The following MIPOL1 variants were observed in gnomAD, a reference collection of about 807,000 sequenced individuals.
MIPOL1 encodes the protein mirror-image polydactyly gene 1 protein.
Under a neutral mutation model 60.9 loss-of-function variants are expected in MIPOL1, and 57 were observed. That is an observed-to-expected ratio of 0.94 (90% CI 0.76 to 1.17). The LOEUF (loss-of-function observed/expected upper bound fraction) is 1.17. Among genes scored for constraint, MIPOL1 ranks in the 50% most tolerant of loss-of-function variants. The pLI, the probability that MIPOL1 is intolerant of heterozygous loss-of-function variation, is 0.00. For missense variants in MIPOL1, 551 were observed against 511.6 expected (o/e 1.08, Z -0.74); for synonymous variants, 179 against 168.8 (o/e 1.06, Z -0.47).
chr14:37,533,953 A>C (rs2095493770), intron 12 of MIPOL1, among the ~76,000 whole-genome samples: 2 of 151,816 alleles, frequency 1.3e-5, no homozygotes, highest in Non-Finnish European at 2.9e-5. Flanking sequence ...GCTGGGTATG[A>C]TGGCACGTCC....
At chr14:37,408,155 A>G (rs2153536684) in intron 10 of MIPOL1, among the ~76,000 whole-genome samples, 1 of 152,174 alleles carries the variant, frequency 6.6e-6, no homozygotes, top group African/African-American at 2.4e-5. Flanking sequence ...CACTGGCGTG[A>G]GCCACCACAC....
At position 37,530,262 on chromosome 14, in the gene MIPOL1, G is replaced by A. The variant is rs527956971; in HGVS notation, c.1263-16643G>A. On this transcript the variant is annotated intron_variant, in intron 12 of 12. Transcript: ENST00000684589. ...AAAAACACAGTGCCATTAATAGAAC[G>A]TCTTTATTTCAATACTAAGAACTAA... Among the ~76,000 whole-genome samples the A allele has an allele frequency of 7.2e-5, 11 of 152,148 alleles. No individual in the cohort carries two copies. The East Asian group carries it at 1.6e-3, about 21-fold the overall frequency.
intron 11 of MIPOL1, among the ~76,000 whole-genome samples, chr14:37,456,284 A>G (rs1166897141): frequency 6.6e-6 from 1 of 152,134 alleles, no homozygotes; most frequent in East Asian, 1.9e-4. Context: ...AGTCAGATAC[A>G]TATTCCTCAA....
intron 3 of MIPOL1, among the ~76,000 whole-genome samples, chr14:37,255,346 A>G (rs1175761114): frequency 6.6e-6 from 1 of 151,790 alleles, no homozygotes; most frequent in Non-Finnish European, 1.5e-5. Flanking sequence ...GCCCTTTAGA[A>G]GGTTGGTCCA....
chr14:37,331,043 T>A (rs1276925184), intron 9 of MIPOL1, among the ~76,000 whole-genome samples: 2 of 152,124 alleles, frequency 1.3e-5, no homozygotes, highest in African/African-American at 4.8e-5. Context: ...TCCATTGGTC[T>A]ATGTGTTTGG....
intron 10 of MIPOL1, among the ~76,000 whole-genome samples, chr14:37,377,177 A>G (rs1016933424): frequency 2.0e-5 from 3 of 152,126 alleles, no homozygotes; most frequent in Non-Finnish European, 4.4e-5. Flanking sequence ...ATTTCCAGTC[A>G]TACTCTCCTT....
intron 11 of MIPOL1, among the ~76,000 whole-genome samples, chr14:37,479,994 T>C (rs910631921): frequency 5.3e-5 from 8 of 152,070 alleles, no homozygotes; most frequent in East Asian, 1.9e-4. Flanking sequence ...CATGAAAAAG[T>C]AGAAAATCTA....
chr14:37,298,348 C>A (rs1250738651), intron 7 of MIPOL1, among the ~76,000 whole-genome samples: 3 of 152,148 alleles, frequency 2.0e-5, no homozygotes, highest in African/African-American at 7.2e-5. Context: ...CATAAAAACC[C>A]TACAAGAAAA....
intron 11 of MIPOL1, among the ~76,000 whole-genome samples, chr14:37,472,309 G>A (rs2094699816): frequency 6.6e-6 from 1 of 152,108 alleles, no homozygotes; most frequent in African/African-American, 2.4e-5. Flanking sequence ...TTGATTATTT[G>A]CTATTATTAG....
chr14:37,485,823 C>G (rs1470977947), intron 11 of MIPOL1, among the ~76,000 whole-genome samples: 9 of 152,150 alleles, frequency 5.9e-5, no homozygotes, highest in Admixed American at 5.9e-4. Flanking sequence ...TGTACAGAAG[C>G]TCTTTAGTTC....
chr14:37,493,530 C>T (rs528143811), intron 11 of MIPOL1, among the ~76,000 whole-genome samples: 1 of 152,204 alleles, frequency 6.6e-6, no homozygotes, highest in Admixed American at 6.6e-5. Context: ...TCTACCTTGG[C>T]CTGCCATTGG....
chr14:37,477,673 G>T (rs2094798204), intron 11 of MIPOL1, among the ~76,000 whole-genome samples: 1 of 152,156 alleles, frequency 6.6e-6, no homozygotes, highest in South Asian at 2.1e-4. Flanking sequence ...CATTCAAAAT[G>T]CAGGGACACA....
Position 37,394,278 on chromosome 14 carries a change from A to C in MIPOL1, c.936+24654A>C, listed in dbSNP as rs118068420. Reference sequence around the variant, plus strand: ...CTTCTTTTTCTCTGCATAGATACCCAGTAGTGGGATTGCTGGATTAAATGA... The same window carrying C: ...CTTCTTTTTCTCTGCATAGATACCCCGTAGTGGGATTGCTGGATTAAATGA... On this transcript the variant is annotated intron_variant, in intron 10 of 12. Transcript: ENST00000684589. Among the ~76,000 whole-genome samples, 424 of 151,812 alleles carry C rather than the reference A, an allele frequency of 2.8e-3. 4 individuals are homozygous for C. Among genetic ancestry groups the C allele is most frequent in the East Asian group, 0.025 (128 of 5,138 alleles).
chr14:37,449,552 A>C (rs2094387738), intron 11 of MIPOL1, among the ~76,000 whole-genome samples: 1 of 152,200 alleles, frequency 6.6e-6, no homozygotes, highest in Admixed American at 6.5e-5. Context: ...GAAAAATAGG[A>C]AACAACATTG....
intron 3 of MIPOL1, among the ~76,000 whole-genome samples, chr14:37,250,190 C>T (rs991150780): frequency 1.3e-5 from 2 of 152,136 alleles, no homozygotes; most frequent in African/African-American, 4.8e-5. Context: ...TTTTTACAGG[C>T]ATCTTTTTGA....
At chr14:37,488,896 G>A (rs2094997697) in intron 11 of MIPOL1, among the ~76,000 whole-genome samples, 1 of 152,082 alleles carries the variant, frequency 6.6e-6, no homozygotes, top group African/African-American at 2.4e-5. Flanking sequence ...CAACCCTGGT[G>A]AATCTGATGA....
chr14:37,544,303 T>A (rs1412587500), intron 12 of MIPOL1, among the ~76,000 whole-genome samples: 1 of 152,230 alleles, frequency 6.6e-6, no homozygotes, highest in Admixed American at 6.5e-5. Context: ...TCTTTAATAC[T>A]AATGGCAAAC....
chr14:37,420,957 T>C (rs900339594), intron 10 of MIPOL1, among the ~76,000 whole-genome samples: 3 of 152,132 alleles, frequency 2.0e-5, no homozygotes, highest in African/African-American at 7.2e-5. Context: ...CCAGAAAGTT[T>C]ATAATAGCTT....
intron 12 of MIPOL1, chr14:37,506,254 T>C (rs2095275279): frequency 6.6e-6 from 1 of 152,178 alleles, no homozygotes; most frequent in Non-Finnish European, 1.5e-5. Context: ...AAAACTACTT[T>C]AAAGTTCATA....
Sources: allele counts gnomAD v4.1 joint callset (sites outside exome capture counted in the v4.1 genomes callset), GRCh38; gene constraint gnomAD v4.1.1; transcripts MANE v1.5; gene names NCBI Gene and HGNC (gene_info 2026-07-23, HGNC 2026-07-21).